HECW1: variants seen among roughly 807,000 people sequenced by gnomAD.
HECW1 encodes HECT, C2 and WW domain containing E3 ubiquitin protein ligase 1, also known as E3 ubiquitin-protein ligase HECW1.
A neutral mutation model predicts 182.3 loss-of-function variants in HECW1; 61 were observed. The observed-to-expected ratio is 0.33, with a 90% confidence interval of 0.27 to 0.41. HECW1 has a LOEUF of 0.41. Ranked by LOEUF, HECW1 falls within the 10% of genes least tolerant of loss-of-function variation. The probability of loss-of-function intolerance (pLI) is 1.00; values close to 1 mark genes in which losing one functional copy is unlikely to be tolerated. For missense variants in HECW1, 1,739 were observed against 2,108.9 expected (o/e 0.82, Z 3.44); for synonymous variants, 859 against 832.6 (o/e 1.03, Z -0.55).
At chr7:43,460,184 T>C (rs2077534625) in intron 13 of HECW1, among the ~76,000 whole-genome samples, 2 of 152,208 alleles carry the variant, frequency 1.3e-5, no homozygotes, top group Non-Finnish European at 2.9e-5. Flanking sequence ...GGGAGATAAA[T>C]GTGGATTTGG....
At chr7:43,314,683 A>G (rs1374173292) in intron 4 of HECW1, among the ~76,000 whole-genome samples, 1 of 152,264 alleles carries the variant, frequency 6.6e-6, no homozygotes, top group Non-Finnish European at 1.5e-5. Context: ...CTACACATAT[A>G]TAACTGTGAA....
intron 6 of HECW1, among the ~76,000 whole-genome samples, chr7:43,379,244 A>T (rs1441297323): frequency 6.6e-6 from 1 of 152,124 alleles, no homozygotes; most frequent in Non-Finnish European, 1.5e-5. Context: ...ATGTGGAGAG[A>T]AGGCTGCTTT....
At position 43,335,179 on chromosome 7, in the gene HECW1, A is replaced by T. The variant is rs770992774; in HGVS notation, c.460+14437A>T. Among the ~76,000 whole-genome samples the T allele has an allele frequency of 2.0e-5, 3 of 152,348 alleles. No homozygotes were observed. In the South Asian group the frequency reaches 6.2e-4, roughly 32 times the overall value. On this transcript the variant is annotated intron_variant, in intron 5 of 29. Coordinates refer to ENST00000395891, the MANE Select transcript of HECW1 (RefSeq NM_015052.5). ...AAGAGTTCAGGAACATGCAGAAAAA[A>T]GTAGTCAAAATAATCCACAATCAGG...
chr7:43,198,582 C>T (rs933562291), intron 2 of HECW1, among the ~76,000 whole-genome samples: 15 of 149,824 alleles, frequency 1.0e-4, no homozygotes, highest in Non-Finnish European at 5.9e-5. Context: ...TCACATACCA[C>T]ACACACCATA....
chr7:43,517,580 T>G (rs2080227053), intron 24 of HECW1, among the ~76,000 whole-genome samples: 1 of 152,190 alleles, frequency 6.6e-6, no homozygotes, highest in Non-Finnish European at 1.5e-5. Context: ...CTGCAGAGTC[T>G]TGAATTAGTA....
At chr7:43,391,426 T>TGAA (rs2075026784) in intron 6 of HECW1, among the ~76,000 whole-genome samples, 2 of 152,210 alleles carry the variant, frequency 1.3e-5, no homozygotes, top group African/African-American at 4.8e-5. Flanking sequence ...GAATTGTTCT[T>TGAA]AGCTCAGCTT....
At chr7:43,471,031 C>T (rs959129497) in intron 16 of HECW1, among the ~76,000 whole-genome samples, 2 of 152,144 alleles carry the variant, frequency 1.3e-5, no homozygotes, top group Non-Finnish European at 2.9e-5. Flanking sequence ...GCCTATGTTG[C>T]CTTCATGATT....
chr7:43,228,223 C>T (rs898475330), intron 2 of HECW1, among the ~76,000 whole-genome samples: 10 of 151,992 alleles, frequency 6.6e-5, no homozygotes, highest in African/African-American at 1.9e-4. Flanking sequence ...CAGTGGCTCA[C>T]GCCTGTAATC....
intron 6 of HECW1, among the ~76,000 whole-genome samples, chr7:43,371,041 C>G (rs191677991): frequency 6.6e-6 from 1 of 152,022 alleles, no homozygotes; most frequent in Non-Finnish European, 1.5e-5. Context: ...GTGCCCGCCA[C>G]CACGTCTGGC....
At chr7:43,296,744 C>T (rs1276933701) in intron 3 of HECW1, among the ~76,000 whole-genome samples, 6 of 152,164 alleles carry the variant, frequency 3.9e-5, no homozygotes, top group Middle Eastern at 3.2e-3. Context: ...GTTCCAACAA[C>T]GTTCTTCTTG....
chr7:43,492,975 C>T, intron 18 of HECW1, 109 bp from the exon 19 acceptor site: 1 of 631,190 alleles, frequency 1.6e-6, no homozygotes, highest in East Asian at 2.8e-5. Context: ...TGCTGCCTGC[C>T]CTTCAAACTC....
At chr7:43,545,776 G>T (rs1331027237) in intron 26 of HECW1, among the ~76,000 whole-genome samples, 1 of 152,000 alleles carries the variant, frequency 6.6e-6, no homozygotes, top group Admixed American at 6.6e-5. Flanking sequence ...CTTTGAATAG[G>T]CTGAAGAGGA....
chr7:43,503,421 C>T (rs4601215), intron 21 of HECW1, among the ~76,000 whole-genome samples: 1 of 152,124 alleles, frequency 6.6e-6, no homozygotes, highest in Non-Finnish European at 1.5e-5. Flanking sequence ...GACTTTGATA[C>T]TAGACTATGA....
intron 13 of HECW1, 21 bp from the exon 14 acceptor site, chr7:43,463,638 CT>C: frequency 6.2e-7 from 1 of 1,605,970 alleles, no homozygotes. Flanking sequence ...TAACTCCTGT[CT>C]TTCCATTTTC....
At chr7:43,452,690 G>A (rs559058797) in intron 12 of HECW1, among the ~76,000 whole-genome samples, 2 of 152,330 alleles carry the variant, frequency 1.3e-5, no homozygotes, top group South Asian at 4.1e-4. Flanking sequence ...ATTAAACAGG[G>A]ACTGGCCTAG....
chr7:43,364,172 G>GAAC (rs1206983131), intron 6 of HECW1, among the ~76,000 whole-genome samples: 1 of 152,170 alleles, frequency 6.6e-6, no homozygotes, highest in Non-Finnish European at 1.5e-5. Flanking sequence ...TGAAAAGGAG[G>GAAC]AACAAGCTGT....
Position 43,445,146 on chromosome 7 carries a change from C to T in HECW1, c.1974C>T (p.Ser658=), listed in dbSNP as rs1434430942. The change falls in exon 11 of 30, where the codon AGC becomes AGT. Residue 658 remains serine (S), a synonymous_variant. Coordinates refer to ENST00000395891, the MANE Select transcript of HECW1 (RefSeq NM_015052.5). Reference sequence around the variant, plus strand: ...CGCACCCCAGCACCGGGAGCGAGAGCGACTCCAGCCCCAGGCAAGGCGGGG... The same window carrying T: ...CGCACCCCAGCACCGGGAGCGAGAGTGACTCCAGCCCCAGGCAAGGCGGGG... ...GDTHPSTGSE[S]DSSPRQGGDH... 2 of 1,610,208 alleles carry T rather than the reference C, an allele frequency of 1.2e-6. No individual in the cohort carries two copies. The highest frequency in any genetic ancestry group is 8.5e-7 in the Non-Finnish European group (1 of 1,178,684).
At chr7:43,194,109 C>T (rs1794199494) in intron 2 of HECW1, among the ~76,000 whole-genome samples, 1 of 152,032 alleles carries the variant, frequency 6.6e-6, no homozygotes, top group African/African-American at 2.4e-5. Flanking sequence ...TCAGTGGTGC[C>T]TGAACTCCAA....
chr7:43,237,140 AGTAGGTAGGTAGGTAGGTAGGTAGGTAG>A (rs71008898), intron 2 of HECW1, among the ~76,000 whole-genome samples: 199 of 133,966 alleles, frequency 1.5e-3, no homozygotes, highest in African/African-American at 3.0e-3. Flanking sequence ...GAAGGAAGGA[AGTAGGTAGGTAGGTAGGTAGGTAGGTAG>A]GTAGGTAGGT....
Sources: gnomAD v4.1 joint callset for allele counts (sites outside exome capture counted in the v4.1 genomes callset) on GRCh38, gnomAD v4.1.1 for gene constraint, MANE v1.5 for transcripts, NCBI Gene and HGNC (gene_info 2026-07-23, HGNC 2026-07-21) for gene names.